Variants in FRYL observed in about 807,000 individuals in gnomAD.
FRYL encodes the protein FRY like transcription coactivator.
Under a neutral mutation model 351.2 loss-of-function variants are expected in FRYL, and 150 were observed. That is an observed-to-expected ratio of 0.43 (90% CI 0.37 to 0.49). The LOEUF (loss-of-function observed/expected upper bound fraction) is 0.49. FRYL is among the 20% of genes least tolerant of loss of function. The pLI is 0.00. For missense variants in FRYL, 3,036 were observed against 3,619.3 expected (o/e 0.84, Z 4.13); for synonymous variants, 1,153 against 1,257.1 (o/e 0.92, Z 1.75).
At chr4:48,587,345 T>A (rs1327821291) in intron 18 of FRYL, among the ~76,000 whole-genome samples, 3 of 152,118 alleles carry the variant, frequency 2.0e-5, no homozygotes, top group Non-Finnish European at 4.4e-5. Flanking sequence ...AATTTTACTA[T>A]ATTTTCTTCT....
At chr4:48,723,901 T>C (rs1769770401) in intron 1 of FRYL, among the ~76,000 whole-genome samples, 1 of 148,630 alleles carries the variant, frequency 6.7e-6, no homozygotes, top group Non-Finnish European at 1.5e-5. Flanking sequence ...GCCCAGGCAA[T>C]ATAGTAAGAC....
intron 59 of FRYL, chr4:48,506,625 T>TATATATATATATATAA (rs1721050855): frequency 3.7e-5 from 1 of 27,360 alleles, no homozygotes; most frequent in Non-Finnish European, 9.9e-5. Flanking sequence ...AATATATATA[T>TATATATATATATATAA]ATATATATAT....
chr4:48,588,893 T>C (rs1742681570), intron 18 of FRYL, among the ~76,000 whole-genome samples: 2 of 151,914 alleles, frequency 1.3e-5, no homozygotes, highest in South Asian at 2.1e-4. Context: ...AAATACACTA[T>C]ATAGGTGTCA....
chr4:48,691,012 C>G (rs1222700363), intron 2 of FRYL, among the ~76,000 whole-genome samples: 4 of 152,098 alleles, frequency 2.6e-5, no homozygotes, highest in Non-Finnish European at 5.9e-5. Flanking sequence ...CTGCCTCCAG[C>G]AAGCTTAGAG....
chr4:48,556,030 G>C (rs1254237530), intron 35 of FRYL, among the ~76,000 whole-genome samples: 2 of 152,170 alleles, frequency 1.3e-5, no homozygotes, highest in Non-Finnish European at 2.9e-5. Flanking sequence ...GAGTAGCTGG[G>C]ATTACAGGCA....
intron 49 of FRYL, among the ~76,000 whole-genome samples, chr4:48,533,768 T>C (rs1329643060): frequency 2.6e-5 from 4 of 152,214 alleles, no homozygotes; most frequent in African/African-American, 9.7e-5. Flanking sequence ...ATCATTTACA[T>C]TTAAATCAAG....
intron 1 of FRYL, among the ~76,000 whole-genome samples, chr4:48,744,323 T>C (rs1772432490): frequency 1.3e-5 from 2 of 152,088 alleles, no homozygotes; most frequent in Non-Finnish European, 2.9e-5. Context: ...AATAAAGCTA[T>C]TATATATTGT....
At chr4:48,587,630 G>A (rs1742398315) in intron 18 of FRYL, among the ~76,000 whole-genome samples, 1 of 151,600 alleles carries the variant, frequency 6.6e-6, no homozygotes, top group Non-Finnish European at 1.5e-5. Context: ...TGTAACCTCC[G>A]CCTCCCGGGT....
At chr4:48,713,105 G>T (rs1313283982) in intron 1 of FRYL, among the ~76,000 whole-genome samples, 1 of 151,944 alleles carries the variant, frequency 6.6e-6, no homozygotes, top group South Asian at 2.1e-4. Flanking sequence ...GGAACGACCG[G>T]TACCAGCCGC....
At chr4:48,756,647 T>C (rs1398901818) in intron 1 of FRYL, among the ~76,000 whole-genome samples, 1 of 152,128 alleles carries the variant, frequency 6.6e-6, no homozygotes, top group Non-Finnish European at 1.5e-5. Flanking sequence ...ATATAATAAA[T>C]CCAATGAAGA....
chr4:48,626,226 T>C (rs1751774096), intron 4 of FRYL, among the ~76,000 whole-genome samples: 1 of 152,060 alleles, frequency 6.6e-6, no homozygotes, highest in African/African-American at 2.4e-5. Flanking sequence ...TCAAATCTGT[T>C]TGTCAATAAA....
chr4:48,510,675 G>A (rs1394159767), intron 58 of FRYL, among the ~76,000 whole-genome samples, 160 bp downstream of exon 58: 2 of 152,086 alleles, frequency 1.3e-5, no homozygotes, highest in Non-Finnish European at 2.9e-5. Flanking sequence ...ACAAGTTGCT[G>A]CACCTAATAT....
chr4:48,769,419 A>G (rs1462741239), intron 1 of FRYL, among the ~76,000 whole-genome samples: 1 of 152,258 alleles, frequency 6.6e-6, no homozygotes, highest in African/African-American at 2.4e-5. Context: ...TAAAATAATG[A>G]TAATACGAAA....
intron 11 of FRYL, among the ~76,000 whole-genome samples, chr4:48,605,176 T>C (rs1746514858): frequency 1.3e-5 from 2 of 152,246 alleles, no homozygotes. Flanking sequence ...TTATGAGTTT[T>C]GTGTGTCCCC....
intron 62 of FRYL, among the ~76,000 whole-genome samples, chr4:48,500,870 G>T (rs1719442864): frequency 6.6e-6 from 1 of 152,096 alleles, no homozygotes; most frequent in African/African-American, 2.4e-5. Flanking sequence ...GGTCACCTGA[G>T]GTCAGGAGTT....
At chr4:48,511,135 G>A in intron 57 of FRYL, 151 bp from the exon 58 acceptor site, 20 of 528,152 alleles carry the variant, frequency 3.8e-5, no homozygotes, top group South Asian at 1.8e-4. Context: ...CATATTTTTA[G>A]GTATTTCCTT....
At chr4:48,733,534 G>A (rs1302668295) in intron 1 of FRYL, among the ~76,000 whole-genome samples, 1 of 151,998 alleles carries the variant, frequency 6.6e-6, no homozygotes, top group Non-Finnish European at 1.5e-5. Flanking sequence ...GAAGGAACAA[G>A]TGAAGGTAAA....
intron 1 of FRYL, among the ~76,000 whole-genome samples, chr4:48,740,289 ATTT>A (rs71191255): frequency 6.1e-5 from 6 of 97,896 alleles, no homozygotes; most frequent in African/African-American, 1.3e-4. Flanking sequence ...AAACAATCTG[ATTT>A]TTTTTTTTTT....
intron 1 of FRYL, among the ~76,000 whole-genome samples, chr4:48,776,024 GAC>G (rs1045575893): frequency 1.5e-4 from 22 of 142,222 alleles, no homozygotes; most frequent in Non-Finnish European, 2.1e-4. Context: ...GACAGTTTAA[GAC>G]AGTCCTATAC....
Sources: allele counts gnomAD v4.1 joint callset (sites outside exome capture counted in the v4.1 genomes callset), GRCh38; gene constraint gnomAD v4.1.1; transcripts MANE v1.5; gene names NCBI Gene and HGNC (gene_info 2026-07-23, HGNC 2026-07-21).